Variants in ENAH observed in about 807,000 individuals in gnomAD.
ENAH encodes the protein protein enabled homolog.
A neutral mutation model predicts 78.7 loss-of-function variants in ENAH; 23 were observed. The observed-to-expected ratio is 0.29, with a 90% CI of 0.21 to 0.41. ENAH has a LOEUF of 0.41. ENAH is among the 10% of genes least tolerant of loss of function. ENAH has a pLI of 1.00. For missense variants in ENAH, 544 were observed against 691.0 expected (o/e 0.79, Z 2.39); for synonymous variants, 226 against 241.0 (o/e 0.94, Z 0.58).
chr1:225,501,025 C>G lies in ENAH; in HGVS notation c.1584G>C (p.Gln528His), dbSNP rs752872518. The change falls in exon 12 of 14, where the codon CAG becomes CAC. Residue 528 changes from glutamine (Q) to histidine (H), a missense_variant. This residue lies in a region of ENAH where 97 missense variants were observed against 124.4 expected (regional missense o/e 0.78). Coordinates refer to ENST00000366843, the MANE Select transcript of ENAH (RefSeq NM_018212.6). ...GCCTGTCATAGTCAAGTCCTTCCGT[C>G]TGGACTCCATTGGCACTGGGCTGTG... ...PLSQPSANGV[Q>H]TEGLDYDRLK... is the part of the protein sequence containing the mutation. 6 of 1,614,170 alleles carry G rather than the reference C, an allele frequency of 3.7e-6. No individual in the cohort carries two copies. The highest frequency in any genetic ancestry group is 5.1e-6 in the Non-Finnish European group (6 of 1,180,020).
intron 4 of ENAH, among the ~76,000 whole-genome samples, chr1:225,520,759 G>A (rs1028301046): frequency 1.3e-5 from 2 of 152,156 alleles, no homozygotes; most frequent in African/African-American, 4.8e-5. Flanking sequence ...GGGAGGCTGA[G>A]GGAGAAGGAT....
Position 225,490,417 on chromosome 1 carries a change from A to C in ENAH, c.*7358T>G, listed in dbSNP as rs1011611209. On this transcript the variant is annotated 3_prime_UTR_variant, in exon 14 of 14. Transcript: ENST00000366843. ...GTGAAACCCCATCTCTACTAAAAAT[A>C]CAAAAATTAGTCGGGCATGGTGGCA... The C allele has an allele frequency of 6.6e-6, 1 of 152,148 alleles. No individual in the cohort carries two copies. The highest frequency in any genetic ancestry group is 1.9e-4 in the East Asian group (1 of 5,190). 9.4% of individuals were successfully genotyped at this position (152,148 alleles called of 1,614,324 possible).
chr1:225,541,294 C>T (rs1193512812), intron 3 of ENAH, among the ~76,000 whole-genome samples: 4 of 26,294 alleles, frequency 1.5e-4, no homozygotes, highest in African/African-American at 7.9e-4. Context: ...ATTAGCCAGG[C>T]GTTGGTGGCA....
At chr1:225,575,653 G>C (rs1469434810) in intron 1 of ENAH, among the ~76,000 whole-genome samples, 1 of 151,962 alleles carries the variant, frequency 6.6e-6, no homozygotes, top group East Asian at 1.9e-4. Context: ...TTCTAATTCT[G>C]ATCTGTCCTT....
chr1:225,549,153 C>G (rs944190860), intron 3 of ENAH, among the ~76,000 whole-genome samples: 1 of 152,078 alleles, frequency 6.6e-6, no homozygotes, highest in Admixed American at 6.6e-5. Flanking sequence ...CCTGGCCAAA[C>G]AGATAGGTTT....
intron 1 of ENAH, among the ~76,000 whole-genome samples, chr1:225,603,367 A>G (rs1325051835): frequency 6.6e-6 from 1 of 152,182 alleles, no homozygotes; most frequent in African/African-American, 2.4e-5. Flanking sequence ...TATTAAAAGA[A>G]TAACCCCTGA....
intron 3 of ENAH, among the ~76,000 whole-genome samples, chr1:225,542,157 C>T (rs1304081424): frequency 6.6e-6 from 1 of 152,222 alleles, no homozygotes; most frequent in Non-Finnish European, 1.5e-5. Context: ...GCTGGGATTA[C>T]AGGCATGAGC....
chr1:225,531,378 T>C (rs1424092805), intron 3 of ENAH, among the ~76,000 whole-genome samples: 1 of 152,110 alleles, frequency 6.6e-6, no homozygotes, highest in Non-Finnish European at 1.5e-5. Flanking sequence ...TGCAGACCTG[T>C]TTTTTGCATC....
intron 1 of ENAH, among the ~76,000 whole-genome samples, chr1:225,626,852 GTGAAAAT>G (rs1029526808): frequency 6.6e-5 from 10 of 152,154 alleles, no homozygotes; most frequent in Non-Finnish European, 1.5e-4. Flanking sequence ...ACTGATACTA[GTGAAAAT>G]GAGCTGAGTG....
chr1:225,588,292 C>T (rs1300521636), intron 1 of ENAH, among the ~76,000 whole-genome samples: 1 of 152,168 alleles, frequency 6.6e-6, no homozygotes, highest in Admixed American at 6.5e-5. Flanking sequence ...ATTTCTGAAA[C>T]TCCAACAACC....
At chr1:225,506,356 T>G (rs2096329367) in intron 11 of ENAH, among the ~76,000 whole-genome samples, 1 of 152,166 alleles carries the variant, frequency 6.6e-6, no homozygotes, top group Non-Finnish European at 1.5e-5. Flanking sequence ...CCCAGCTAAT[T>G]TTTGTATTTT....
rs1209634836 is a variant in ENAH, at chr1:225,489,657, A to G, written c.*8118T>C. The G allele has an allele frequency of 4.6e-5, 7 of 152,206 alleles. No homozygotes were observed. Among genetic ancestry groups the G allele is most frequent in the Admixed American group, 4.6e-4 (7 of 15,274 alleles). 9.4% of individuals were successfully genotyped at this position (152,206 alleles called of 1,614,324 possible). The stretch of plus-strand genomic sequence containing the variant: ...AGTGAAAGAGGAAATTCAGAACTCA[A>G]CTTTATCGGGGATGGGCACGGTCGC... On this transcript the variant is annotated 3_prime_UTR_variant, in exon 14 of 14. Coordinates refer to ENST00000366843, the MANE Select transcript of ENAH (RefSeq NM_018212.6).
intron 2 of ENAH, among the ~76,000 whole-genome samples, chr1:225,563,570 A>AT (rs1366051380): frequency 6.6e-6 from 1 of 152,214 alleles, no homozygotes; most frequent in Non-Finnish European, 1.5e-5. Flanking sequence ...AACATTAGTA[A>AT]GTTATCTAAT....
chr1:225,586,259 G>A (rs1374223875), intron 1 of ENAH, among the ~76,000 whole-genome samples: 7 of 111,276 alleles, frequency 6.3e-5, no homozygotes, highest in South Asian at 3.2e-4. Flanking sequence ...AAAAAAAAAA[G>A]GAAGAAAAAG....
chr1:225,650,874 A>AC lies in ENAH; in HGVS notation c.5+1811_5+1812insG, dbSNP rs941973264. On this transcript the variant is annotated intron_variant, in intron 1 of 13. Coordinates refer to ENST00000366843, the MANE Select transcript of ENAH (RefSeq NM_018212.6). ...AAAAAAAAAAAAAAAAAAAAAAAAAAAAAACTTTCCCTGTTTTATATTTCT... is the reference window on the plus strand; with the variant it reads ...AAAAAAAAAAAAAAAAAAAAAAAAAACAAAACTTTCCCTGTTTTATATTTCT... Among the ~76,000 whole-genome samples the AC allele has an allele frequency of 8.7e-5, 13 of 150,172 alleles. No individual in the cohort carries two copies. In the South Asian group the frequency reaches 1.7e-3, roughly 19 times the overall value.
intron 2 of ENAH, among the ~76,000 whole-genome samples, chr1:225,559,366 C>T (rs1013070035): frequency 4.6e-5 from 7 of 152,244 alleles, no homozygotes; most frequent in South Asian, 4.1e-4. Flanking sequence ...GAAATTGTGA[C>T]GTACATTTCA....
intron 2 of ENAH, among the ~76,000 whole-genome samples, chr1:225,559,421 A>G (rs73122197): frequency 0.014 from 2,118 of 152,262 alleles, 47 homozygotes; most frequent in African/African-American, 0.048. Context: ...AGGTAATTGT[A>G]TTGTTCAAAC....
At chr1:225,509,798 G>A (rs912364611) in intron 10 of ENAH, among the ~76,000 whole-genome samples, 3 of 151,988 alleles carry the variant, frequency 2.0e-5, no homozygotes, top group South Asian at 4.1e-4. Flanking sequence ...AGAATTCCCC[G>A]TTCTAGTCTA....
At position 225,595,153 on chromosome 1, in the gene ENAH, T is replaced by C. The variant is rs528865351; in HGVS notation, c.6-27739A>G. Among the ~76,000 whole-genome samples, 9 of 152,100 alleles carry C rather than the reference T, an allele frequency of 5.9e-5. No homozygotes were observed. In the South Asian group the frequency reaches 1.9e-3, roughly 32 times the overall value. ...TTCGAGACCAGCCTGACCAACATGG[T>C]GAAACCCCGGCTCTACTAAAAATAC... is the stretch of plus-strand genomic sequence containing the variant. On this transcript the variant is annotated intron_variant, in intron 1 of 13. Transcript: ENST00000366843.
Sources: gnomAD v4.1 joint callset for allele counts (sites outside exome capture counted in the v4.1 genomes callset) on GRCh38, gnomAD v4.1.1 for gene constraint, gnomAD v4.1.1 regional missense constraint, MANE v1.5 for transcripts, NCBI Gene and HGNC (gene_info 2026-07-23, HGNC 2026-07-21) for gene names.